The following ZNF451 variants were observed in gnomAD, a reference collection of about 807,000 sequenced individuals.
The protein encoded by ZNF451 is E3 SUMO-protein ligase ZNF451.
ZNF451 carries 80 observed loss-of-function variants against 107.1 expected under a neutral mutation model. The ratio of observed to expected loss-of-function variants is 0.75; its 90% CI spans 0.62 to 0.90. The LOEUF is 0.90. ZNF451 is among the 40% of genes least tolerant of loss of function. The pLI is 0.00. For missense variants in ZNF451, 1,107 were observed against 1,236.2 expected (o/e 0.90, Z 1.57); for synonymous variants, 362 against 406.5 (o/e 0.89, Z 1.32).
intron 3 of ZNF451, 65 bp from the exon 4 acceptor site, chr6:57,124,669 A>G: frequency 8.5e-7 from 1 of 1,176,474 alleles, no homozygotes. Context: ...CTGTTTTATG[A>G]ATGGATGTAT....
chr6:57,100,694 G>T (rs1829551287), intron 3 of ZNF451: 2 of 1,550,486 alleles, frequency 1.3e-6, no homozygotes, highest in East Asian at 2.4e-5. Flanking sequence ...GGAGATAGCA[G>T]CTCCTTCTCT....
chr6:57,134,979 A>T, intron 7 of ZNF451, 109 bp downstream of exon 7: 5 of 879,978 alleles, frequency 5.7e-6, no homozygotes, highest in Non-Finnish European at 8.5e-6. Flanking sequence ...GATACACATA[A>T]GTATCAAAAC....
rs772980004 is a variant in ZNF451 at position 57,147,877 on chromosome 6, G to A, written c.1792G>A (p.Ala598Thr). ...SAITVIDHSP[A>T]NSSPRGKWQC... ...TATTACTGTTATTGATCATTCCCCGGCAAATAGTTCTCCGAGGGGTAAATG... is the reference window on the plus strand; with the variant it reads ...TATTACTGTTATTGATCATTCCCCGACAAATAGTTCTCCGAGGGGTAAATG... Residue 598 changes from alanine to threonine, a missense_variant, in exon 10 of 15, where the codon GCA (alanine) becomes ACA (threonine). Physicochemically the swap from Ala to Thr is moderately conservative, Grantham distance 58. Around this residue, in one of 5 missense-constraint regions of ZNF451, gnomAD observed 608 missense variants for 649.2 expected, o/e 0.94. Coordinates refer to ENST00000370706, the MANE Select transcript of ZNF451 (RefSeq NM_001031623.3). 3 of 1,614,084 alleles carry A rather than the reference G, an allele frequency of 1.9e-6. No individual in the cohort carries two copies. Among genetic ancestry groups the A allele is most frequent in the Non-Finnish European group, 2.5e-6 (3 of 1,179,984 alleles).
At chr6:57,159,206 G>T in intron 13 of ZNF451, 1 of 985,420 alleles carries the variant, frequency 1.0e-6, no homozygotes, top group Non-Finnish European at 1.2e-6. Context: ...GGAGGCAAAA[G>T]AAACCTTTTA....
chr6:57,161,257 C>T lies in ZNF451; in HGVS notation c.3139+105C>T, dbSNP rs187186453. The T allele has an allele frequency of 3.5e-4, 198 of 573,356 alleles. No individual in the cohort carries two copies. In the African/African-American group the frequency reaches 3.5e-3, roughly 10 times the overall value. 35.5% of individuals were successfully genotyped at this position (573,356 alleles called of 1,614,324 possible). ...CACCCCTCTTATTCCCTTCTACCCC[C>T]AAGTTAAAACATTTTCTCAGTTTGG... On this transcript the variant is annotated intron_variant, in intron 14 of 14. Coordinates refer to ENST00000370706, the MANE Select transcript of ZNF451 (RefSeq NM_001031623.3).
At chr6:57,108,245 C>A (rs1829959283) in intron 3 of ZNF451, 2 of 985,304 alleles carry the variant, frequency 2.0e-6, no homozygotes, top group Admixed American at 6.1e-5. Flanking sequence ...GCTATCTTTG[C>A]TCCATGAGCT....
rs1207312759 is a variant in ZNF451, at chr6:57,090,268, G to A, written c.15G>A (p.Gly5=). ...CCGTCGGAGACATGGGAGACCCGGG[G>A]TCGGAGGTGAGTAGTCGAGTGAGGG... MGDP[G]SEIIESVPPA... Residue 5 remains glycine (G), a synonymous_variant, in exon 1 of 15, where the codon GGG becomes GGA. Transcript: ENST00000370706. 1.2e-6 allele frequency: 2 copies of A among 1,611,340 alleles called. No homozygotes were observed. The highest frequency in any genetic ancestry group is 1.7e-5 in the Admixed American group (1 of 59,902).
chr6:57,167,190 C>A (rs1347885067), intron 14 of ZNF451, among the ~76,000 whole-genome samples: 1 of 151,328 alleles, frequency 6.6e-6, no homozygotes, highest in African/African-American at 2.4e-5. Context: ...TATACACACA[C>A]ACACACACAC....
intron 3 of ZNF451, among the ~76,000 whole-genome samples, chr6:57,123,929 G>A (rs905772501): frequency 1.3e-5 from 2 of 152,112 alleles, no homozygotes; most frequent in African/African-American, 4.8e-5. Context: ...AATTATTTTG[G>A]ATTTTCTATG....
chr6:57,147,179 C>T lies in ZNF451; in HGVS notation c.1094C>T (p.Pro365Leu), dbSNP rs1224385335. 1 of 1,614,004 alleles carries T rather than the reference C, an allele frequency of 6.2e-7. No individual in the cohort carries two copies. Among genetic ancestry groups the T allele is most frequent in the Non-Finnish European group, 8.5e-7 (1 of 1,179,942 alleles). ...AAATTCATATTAAGAGGTTATTGTC[C>T]AGATTGCAATCAAGTCTTTGTGGAT... Reference protein sequence around the residue: ...AEKFILRGYCPDCNQVFVDET... With the variant: ...AEKFILRGYCLDCNQVFVDET... The change falls in exon 10 of 15, where the codon CCA (proline) becomes CTA (leucine). Residue 365 changes from proline (P) to leucine (L), a missense_variant. Coordinates refer to ENST00000370706, the MANE Select transcript of ZNF451 (RefSeq NM_001031623.3).
chr6:57,158,116 C>T (rs1286251147), intron 13 of ZNF451, among the ~76,000 whole-genome samples: 1 of 152,216 alleles, frequency 6.6e-6, no homozygotes, highest in Admixed American at 6.5e-5. Context: ...AATCTACCTG[C>T]AGTCACAGAG....
intron 3 of ZNF451, chr6:57,107,334 T>C (rs1390667346): frequency 1.0e-6 from 1 of 984,180 alleles, no homozygotes; most frequent in Non-Finnish European, 1.2e-6. Context: ...TTTGTATTTG[T>C]ATATTTAAAT....
chr6:57,094,554 A>G (rs2127931445), intron 2 of ZNF451, among the ~76,000 whole-genome samples: 1 of 152,358 alleles, frequency 6.6e-6, no homozygotes, highest in Middle Eastern at 3.4e-3. Context: ...ACAAATGCAA[A>G]TAAAAATACC....
chr6:57,124,898 A>C (rs1830856167), intron 4 of ZNF451, 39 bp downstream of exon 4: 1 of 1,282,386 alleles, frequency 7.8e-7, no homozygotes, highest in South Asian at 2.2e-5. Context: ...ATAATTAAAA[A>C]ATTATTTATA....
At chr6:57,168,345 G>T in intron 14 of ZNF451, 78 bp from the exon 15 acceptor site, 2 of 1,001,178 alleles carry the variant, frequency 2.0e-6, no homozygotes, top group African/African-American at 1.6e-5. Flanking sequence ...AAAGAATACA[G>T]TCGATGAAAC....
chr6:57,123,796 A>G (rs1486769403), intron 3 of ZNF451, among the ~76,000 whole-genome samples: 1 of 152,152 alleles, frequency 6.6e-6, no homozygotes, highest in African/African-American at 2.4e-5. Context: ...GTACATAGTG[A>G]TTTTTTAACT....
chr6:57,151,629 A>G (rs550201556), intron 11 of ZNF451, among the ~76,000 whole-genome samples: 6 of 152,318 alleles, frequency 3.9e-5, no homozygotes, highest in African/African-American at 1.4e-4. Context: ...GTTATTTTCA[A>G]CATGCCATAA....
intron 3 of ZNF451, chr6:57,099,610 C>T (rs1248459924): frequency 2.9e-6 from 2 of 688,568 alleles, no homozygotes; most frequent in Non-Finnish European, 2.7e-6. Flanking sequence ...TTACTTCAGT[C>T]ATCATCCCTT....
chr6:57,150,926 A>G (rs774275336), intron 11 of ZNF451, 64 bp downstream of exon 11: 5 of 1,584,102 alleles, frequency 3.2e-6, no homozygotes, highest in Admixed American at 3.5e-5. Flanking sequence ...GTTCAGTTTA[A>G]AAGGCTCCTC....
Sources: allele counts gnomAD v4.1 joint callset (sites outside exome capture counted in the v4.1 genomes callset), GRCh38; gene constraint gnomAD v4.1.1; regional missense constraint gnomAD v4.1.1; transcripts MANE v1.5; gene names NCBI Gene and HGNC (gene_info 2026-07-23, HGNC 2026-07-21).